The following CDK14 variants were observed in gnomAD, a reference collection of about 807,000 sequenced individuals.
CDK14 encodes the protein cyclin-dependent kinase 14.
CDK14 carries 34 observed loss-of-function variants against 60.7 expected under a neutral mutation model. The observed-to-expected ratio is 0.56, with a 90% CI of 0.43 to 0.75. The LOEUF (loss-of-function observed/expected upper bound fraction) is 0.75. CDK14 is among the 30% of genes least tolerant of loss of function. The pLI is 0.00. For synonymous variants in CDK14, 197 were observed against 203.7 expected (o/e 0.97, Z 0.28); for missense variants, 482 against 564.1 (o/e 0.85, Z 1.47).
chr7:90,751,504 A>G (rs1184572541), intron 4 of CDK14, among the ~76,000 whole-genome samples: 2 of 152,206 alleles, frequency 1.3e-5, no homozygotes, highest in African/African-American at 4.8e-5. Flanking sequence ...CAGCCTTACA[A>G]GAGATCCTTA....
At chr7:91,062,505 G>A (rs371458359) in intron 11 of CDK14, among the ~76,000 whole-genome samples, 3 of 151,888 alleles carry the variant, frequency 2.0e-5, no homozygotes, top group Admixed American at 6.6e-5. Flanking sequence ...GGTGGGAGCT[G>A]TAGACTGGAG....
chr7:90,612,659 C>T (rs1279355115), intron 2 of CDK14, among the ~76,000 whole-genome samples: 1 of 151,174 alleles, frequency 6.6e-6, no homozygotes, highest in Non-Finnish European at 1.5e-5. Context: ...GTAATCCCAG[C>T]TACTCGGGAG....
chr7:91,147,162 T>TCTCTCTCTCTCTCTCTCACACA (rs1438870514), intron 14 of CDK14, among the ~76,000 whole-genome samples: 1 of 124,748 alleles, frequency 8.0e-6, no homozygotes, highest in African/African-American at 3.3e-5. Context: ...TCTCTCTCTC[T>TCTCTCTCTCTCTCTCTCACACA]CACACACACA....
intron 4 of CDK14, among the ~76,000 whole-genome samples, chr7:90,749,006 C>G (rs976880658): frequency 6.6e-6 from 1 of 152,112 alleles, no homozygotes; most frequent in African/African-American, 2.4e-5. Flanking sequence ...TTTAGGTAAT[C>G]TTAGGATTTT....
chr7:90,882,334 A>C (rs530293576), intron 6 of CDK14, among the ~76,000 whole-genome samples: 22 of 151,992 alleles, frequency 1.4e-4, no homozygotes, highest in African/African-American at 5.1e-4. Context: ...ACAAAGATTA[A>C]AAAAGACAAA....
chr7:90,614,136 A>AGGT (rs1281940290), intron 2 of CDK14, among the ~76,000 whole-genome samples: 2 of 151,400 alleles, frequency 1.3e-5, no homozygotes, highest in African/African-American at 4.9e-5. Context: ...CCTCCCAAGT[A>AGGT]GGTGGGATTA....
intron 7 of CDK14, among the ~76,000 whole-genome samples, chr7:90,901,802 T>C (rs568866254): frequency 5.3e-5 from 8 of 151,892 alleles, no homozygotes; most frequent in African/African-American, 1.7e-4. Flanking sequence ...AAAATCCAAA[T>C]TGGAAAAGAA....
chr7:91,088,024 T>G (rs886353347), intron 12 of CDK14, among the ~76,000 whole-genome samples: 2 of 152,204 alleles, frequency 1.3e-5, no homozygotes, highest in African/African-American at 4.8e-5. Context: ...TTCAAATGTC[T>G]ATTGGACCTT....
intron 1 of CDK14, among the ~76,000 whole-genome samples, chr7:90,603,219 T>A (rs752412815): frequency 6.6e-6 from 1 of 152,228 alleles, no homozygotes; most frequent in Non-Finnish European, 1.5e-5. Context: ...TTCTAAGTAA[T>A]TGTAAAATGT....
intron 4 of CDK14, among the ~76,000 whole-genome samples, chr7:90,755,932 C>T (rs577628772): frequency 7.9e-5 from 12 of 152,276 alleles, no homozygotes; most frequent in African/African-American, 2.9e-4. Flanking sequence ...CCCTTTGTCT[C>T]ATTTACTCCT....
chr7:90,627,906 G>A (rs952588574), intron 2 of CDK14, among the ~76,000 whole-genome samples: 1 of 152,150 alleles, frequency 6.6e-6, no homozygotes, highest in Non-Finnish European at 1.5e-5. Context: ...AAAATCTACT[G>A]CAAAGCTGTG....
At chr7:90,929,803 C>G (rs1793533103) in intron 8 of CDK14, among the ~76,000 whole-genome samples, 1 of 152,094 alleles carries the variant, frequency 6.6e-6, no homozygotes, top group South Asian at 2.1e-4. Flanking sequence ...TTTTGTGGAT[C>G]ACAAGAAAAT....
chr7:91,059,347 A>G (rs1465221456), intron 11 of CDK14, among the ~76,000 whole-genome samples: 5 of 152,078 alleles, frequency 3.3e-5, no homozygotes, highest in South Asian at 2.1e-4. Context: ...GATCTTTTCA[A>G]AAAACCAGCT....
At chr7:90,623,971 G>A (rs914328941) in intron 2 of CDK14, among the ~76,000 whole-genome samples, 1 of 152,186 alleles carries the variant, frequency 6.6e-6, no homozygotes, top group Non-Finnish European at 1.5e-5. Context: ...AGATTAGGCA[G>A]GAGTGTCATT....
chr7:91,026,091 C>G (rs1324484520), intron 10 of CDK14, among the ~76,000 whole-genome samples: 1 of 152,044 alleles, frequency 6.6e-6, no homozygotes, highest in Admixed American at 6.5e-5. Context: ...CCCTTTGCTC[C>G]TCTTTGTTGA....
intron 2 of CDK14, among the ~76,000 whole-genome samples, chr7:90,634,594 C>T (rs1007671529): frequency 1.3e-5 from 2 of 152,048 alleles, no homozygotes; most frequent in South Asian, 2.1e-4. Flanking sequence ...AGTAAACATA[C>T]GTGTGCATGT....
intron 10 of CDK14, among the ~76,000 whole-genome samples, chr7:90,996,901 A>G (rs1436911252): frequency 6.6e-6 from 1 of 152,230 alleles, no homozygotes; most frequent in Non-Finnish European, 1.5e-5. Context: ...CAGTATTGTC[A>G]TATTTTACCT....
chr7:91,190,623 G>A lies in CDK14; in HGVS notation c.*29-16542G>A, dbSNP rs569837443. ...TCATGCCTCAGCTTCCTGAGTAGCT[G>A]TTACTACAGGCATGCACCACCATGC... On this transcript the variant is annotated intron_variant, in intron 14 of 14. Transcript: ENST00000380050. Among the ~76,000 whole-genome samples, 11 of 152,244 alleles carry A rather than the reference G, an allele frequency of 7.2e-5. No homozygotes were observed. In the East Asian group the frequency reaches 2.1e-3, roughly 29 times the overall value.
chr7:90,607,935 T>C (rs1434183376), intron 2 of CDK14, among the ~76,000 whole-genome samples: 1 of 152,190 alleles, frequency 6.6e-6, no homozygotes, highest in East Asian at 1.9e-4. Flanking sequence ...CCCAGCTTCT[T>C]GATGTTTGGA....
Sources: allele counts gnomAD v4.1 joint callset (sites outside exome capture counted in the v4.1 genomes callset), GRCh38; gene constraint gnomAD v4.1.1; transcripts MANE v1.5; gene names NCBI Gene and HGNC (gene_info 2026-07-23, HGNC 2026-07-21).